The following PDE1A variants were observed in gnomAD, a reference collection of about 807,000 sequenced individuals.
PDE1A encodes the protein phosphodiesterase 1A, also known as dual specificity calcium/calmodulin-dependent 3',5'-cyclic nucleotide phosphodiesterase 1A.
In PDE1A, 35 loss-of-function variants were observed where a neutral mutation model predicts 61.7. The observed-to-expected ratio is 0.57, with a 90% CI of 0.43 to 0.75. The LOEUF (loss-of-function observed/expected upper bound fraction) is 0.75. Ranked by LOEUF, PDE1A falls within the 30% of genes least tolerant of loss-of-function variation. The pLI, the probability that PDE1A is intolerant of heterozygous loss-of-function variation, is 0.00. For missense variants in PDE1A, 597 were observed against 630.6 expected (o/e 0.95, Z 0.57); for synonymous variants, 232 against 213.2 (o/e 1.09, Z -0.77).
chr2:182,714,231 A>G, the PDE1A span, among the ~76,000 whole-genome samples: 1 of 152,190 alleles, frequency 6.6e-6, no homozygotes, highest in Non-Finnish European at 1.5e-5. Context: ...TGAAGCTTAG[A>G]TTCTTTTTCC....
intron 1 of PDE1A, among the ~76,000 whole-genome samples, chr2:182,406,971 T>C (rs1702333377): frequency 6.6e-6 from 1 of 152,194 alleles, no homozygotes; most frequent in Admixed American, 6.5e-5. Flanking sequence ...TAAATTGATC[T>C]TCTTTAAATA....
At chr2:182,506,269 T>C (rs914087493) in intron 2 of PDE1A, among the ~76,000 whole-genome samples, 3 of 152,224 alleles carry the variant, frequency 2.0e-5, no homozygotes, top group Non-Finnish European at 2.9e-5. Context: ...TTGTTCCCTA[T>C]GCAATTGGTT....
At chr2:182,426,893 C>A (rs1475951878) in exon 1 of PDE1A, 1 of 1,260,104 alleles carries the variant, frequency 7.9e-7, no homozygotes, top group Non-Finnish European at 1.0e-6. Flanking sequence ...TCACGTTGAT[C>A]CAGGCAAGAG....
intron 1 of PDE1A, among the ~76,000 whole-genome samples, chr2:182,405,058 G>C (rs1047242776): frequency 2.6e-5 from 4 of 152,202 alleles, no homozygotes; most frequent in African/African-American, 9.6e-5. Context: ...CCACAAACAT[G>C]TGAGTAATGC....
chr2:182,559,121 C>T, the PDE1A span, among the ~76,000 whole-genome samples: 1 of 152,106 alleles, frequency 6.6e-6, no homozygotes, highest in East Asian at 1.9e-4. Flanking sequence ...CTTATATTTG[C>T]CCAGTGATCA....
intron 1 of PDE1A, among the ~76,000 whole-genome samples, chr2:182,410,621 C>A (rs1223503194): frequency 1.3e-5 from 2 of 152,154 alleles, no homozygotes; most frequent in Non-Finnish European, 2.9e-5. Flanking sequence ...TCATTCTGTG[C>A]AAAGAATTTC....
chr2:182,340,997 C>T (rs1053083299), intron 1 of PDE1A, among the ~76,000 whole-genome samples: 1 of 152,142 alleles, frequency 6.6e-6, no homozygotes, highest in Non-Finnish European at 1.5e-5. Context: ...CTAGAAGCTT[C>T]GAAAGTGTAA....
At chr2:182,492,748 A>G (rs1688469854) in intron 2 of PDE1A, among the ~76,000 whole-genome samples, 1 of 152,230 alleles carries the variant, frequency 6.6e-6, no homozygotes, top group African/African-American at 2.4e-5. Context: ...TGTGAACAAT[A>G]AACTTTTGTT....
the PDE1A span, among the ~76,000 whole-genome samples, chr2:182,704,159 C>T: frequency 1.4e-5 from 2 of 143,654 alleles, no homozygotes; most frequent in Admixed American, 7.8e-5. Context: ...TGCAGACAGC[C>T]GAGATCACGC....
intron 1 of PDE1A, among the ~76,000 whole-genome samples, chr2:182,415,523 T>C (rs1260204041): frequency 6.6e-6 from 1 of 152,176 alleles, no homozygotes; most frequent in African/African-American, 2.4e-5. Context: ...TCCTTCAAGA[T>C]CTACATCTTT....
At chr2:182,689,563 A>G in the PDE1A span, among the ~76,000 whole-genome samples, 6 of 152,212 alleles carry the variant, frequency 3.9e-5, no homozygotes, top group Non-Finnish European at 5.9e-5. Flanking sequence ...CTAAATGCCC[A>G]CAAGAGAAAG....
chr2:182,507,011 A>T (rs556879125), intron 2 of PDE1A, among the ~76,000 whole-genome samples: 3 of 152,340 alleles, frequency 2.0e-5, no homozygotes, highest in African/African-American at 7.2e-5. Flanking sequence ...GAAATATTTT[A>T]TGTGGACACA....
chr2:182,639,396 C>T, the PDE1A span, among the ~76,000 whole-genome samples: 112 of 152,072 alleles, frequency 7.4e-4, no homozygotes, highest in African/African-American at 2.6e-3. Context: ...GGCGAAAACC[C>T]GTCTCTTACA....
At chr2:182,627,843 C>T in the PDE1A span, among the ~76,000 whole-genome samples, 2 of 151,374 alleles carry the variant, frequency 1.3e-5, no homozygotes, top group Non-Finnish European at 2.9e-5. Flanking sequence ...ACTCAGAAGG[C>T]TGAGGCAGGA....
At chr2:182,184,463 C>G (rs1420009571) in intron 13 of PDE1A, among the ~76,000 whole-genome samples, 1 of 151,972 alleles carries the variant, frequency 6.6e-6, no homozygotes, top group Non-Finnish European at 1.5e-5. Context: ...AAAAATCATT[C>G]AACAATTCTA....
At chr2:182,557,066 G>A in the PDE1A span, among the ~76,000 whole-genome samples, 8 of 152,034 alleles carry the variant, frequency 5.3e-5, no homozygotes, top group Non-Finnish European at 7.4e-5. Flanking sequence ...AGGCCGAGGC[G>A]GGTGGATCAC....
rs565502154 is a variant in PDE1A at position 182,377,852 on chromosome 2, G to GT, written c.53+48725dup. ...CATACAGCAAAATGCAATTCAGACA[G>GT]TTTTTTTTTTTTTGAGACAGAGTCT... On this transcript the variant is annotated intron_variant, in intron 1 of 13. Coordinates refer to ENST00000351439, the Ensembl canonical transcript of PDE1A. Among the ~76,000 whole-genome samples the GT allele has an allele frequency of 7.8e-3, 1,135 of 145,778 alleles. 2 individuals carry two copies. Among genetic ancestry groups the GT allele is most frequent in the East Asian group, 0.019 (98 of 5,036 alleles).
intron 1 of PDE1A, among the ~76,000 whole-genome samples, chr2:182,320,793 G>A (rs1023248381): frequency 6.6e-6 from 1 of 152,088 alleles, no homozygotes; most frequent in Non-Finnish European, 1.5e-5. Context: ...GATCTTGATG[G>A]TTTATAATAG....
intron 13 of PDE1A, among the ~76,000 whole-genome samples, chr2:182,182,790 T>C (rs568050902): frequency 1.7e-3 from 264 of 152,002 alleles, no homozygotes; most frequent in Non-Finnish European, 3.1e-3. Flanking sequence ...TTTAAAAATT[T>C]GTTAACACCC....
Sources: gnomAD v4.1 joint callset for allele counts (sites outside exome capture counted in the v4.1 genomes callset) on GRCh38, gnomAD v4.1.1 for gene constraint, MANE v1.5 for transcripts, NCBI Gene and HGNC (gene_info 2026-07-23, HGNC 2026-07-21) for gene names.